Variants in PLXDC2 observed in about 807,000 individuals in gnomAD.
PLXDC2 encodes plexin domain containing 2, also known as plexin domain-containing protein 2.
Under a neutral mutation model 68.9 loss-of-function variants are expected in PLXDC2, and 40 were observed. The ratio of observed to expected loss-of-function variants is 0.58; its 90% CI spans 0.45 to 0.76. The LOEUF (loss-of-function observed/expected upper bound fraction) is 0.76. PLXDC2 is among the 30% of genes least tolerant of loss of function. The pLI, the probability that PLXDC2 is intolerant of heterozygous loss-of-function variation, is 0.00. For synonymous variants in PLXDC2, 243 were observed against 234.2 expected, an observed-to-expected ratio of 1.04 and a Z score of -0.34; for missense variants, 644 against 661.9, an observed-to-expected ratio of 0.97 and a Z score of 0.30.
At chr10:20,015,516 A>C (rs1354206307) in intron 2 of PLXDC2, among the ~76,000 whole-genome samples, 1 of 152,196 alleles carries the variant, frequency 6.6e-6, no homozygotes, top group East Asian at 1.9e-4. Flanking sequence ...GTCCTCTTCA[A>C]TTAGATGTTA....
At chr10:19,884,442 C>A (rs971964184) in intron 1 of PLXDC2, among the ~76,000 whole-genome samples, 1 of 151,830 alleles carries the variant, frequency 6.6e-6, no homozygotes, top group Admixed American at 6.6e-5. Context: ...CATGCTGGTG[C>A]GCTGCACCCA....
At chr10:20,110,474 G>T (rs1460680479) in intron 4 of PLXDC2, among the ~76,000 whole-genome samples, 2 of 152,146 alleles carry the variant, frequency 1.3e-5, no homozygotes. Flanking sequence ...TGCCTCAATG[G>T]TAGTATTTAT....
intron 1 of PLXDC2, among the ~76,000 whole-genome samples, chr10:19,847,820 A>G (rs11813851): frequency 0.04 from 6,138 of 152,242 alleles, 394 homozygotes; most frequent in African/African-American, 0.13. Context: ...TATTTTAAAG[A>G]TGGGTAACTG....
chr10:20,001,944 C>G lies in PLXDC2; in HGVS notation c.282C>G (p.Asp94Glu), dbSNP rs763045853. The change falls in exon 2 of 14, where the codon GAC becomes GAG. Residue 94 changes from aspartate (D) to glutamate (E), a missense_variant. Physicochemically the swap from Asp to Glu is conservative, Grantham distance 45. Transcript: ENST00000377252. The stretch of plus-strand genomic sequence containing the variant: ...CTCCTGAGCCCAGAAGCTTCACAGA[C>G]CTGCTGCTGGATGATGGGCAGGACA... ...QDSPEPRSFT[D>E]LLLDDGQDNN... 3.1e-6 allele frequency: 5 copies of G among 1,612,848 alleles called. No homozygotes were observed. Among genetic ancestry groups the G allele is most frequent in the Non-Finnish European group, 4.2e-6 (5 of 1,179,948 alleles).
chr10:19,935,188 A>T (rs183342975), intron 1 of PLXDC2, among the ~76,000 whole-genome samples: 102 of 152,298 alleles, frequency 6.7e-4, no homozygotes, highest in African/African-American at 2.3e-3. Flanking sequence ...GGAGGCTGAC[A>T]GTGGGGACCT....
At chr10:20,257,839 A>T (rs1347880812) in intron 13 of PLXDC2, among the ~76,000 whole-genome samples, 1 of 151,900 alleles carries the variant, frequency 6.6e-6, no homozygotes, top group Non-Finnish European at 1.5e-5. Flanking sequence ...TTATGGCTAC[A>T]TAGTAGGTGT....
chr10:20,073,583 A>C (rs1222158290), intron 4 of PLXDC2, among the ~76,000 whole-genome samples: 1 of 152,162 alleles, frequency 6.6e-6, no homozygotes, highest in African/African-American at 2.4e-5. Flanking sequence ...AATCATCCTT[A>C]TGTACAAAGT....
At chr10:19,890,675 GCTT>G (rs1837942303) in intron 1 of PLXDC2, among the ~76,000 whole-genome samples, 1 of 76,126 alleles carries the variant, frequency 1.3e-5, no homozygotes, top group East Asian at 4.5e-4. Context: ...GCGCCCGGCT[GCTT>G]TTTTTTTTTT....
At chr10:20,079,621 A>G (rs541513950) in intron 4 of PLXDC2, among the ~76,000 whole-genome samples, 1 of 152,332 alleles carries the variant, frequency 6.6e-6, no homozygotes, top group African/African-American at 2.4e-5. Context: ...GAGTGAGTTC[A>G]TGTACTTTGC....
At chr10:20,145,269 T>C (rs1302307353) in intron 5 of PLXDC2, among the ~76,000 whole-genome samples, 3 of 152,218 alleles carry the variant, frequency 2.0e-5, no homozygotes, top group Non-Finnish European at 4.4e-5. Flanking sequence ...GTTCAAACAA[T>C]ATGATAATGA....
chr10:19,973,596 A>G (rs1834398217), intron 1 of PLXDC2, among the ~76,000 whole-genome samples: 1 of 152,162 alleles, frequency 6.6e-6, no homozygotes, highest in Non-Finnish European at 1.5e-5. Flanking sequence ...CTACAGAATC[A>G]AAAGACATAC....
intron 3 of PLXDC2, among the ~76,000 whole-genome samples, chr10:20,057,777 C>A (rs559638832): frequency 2.6e-5 from 4 of 151,938 alleles, no homozygotes; most frequent in African/African-American, 9.7e-5. Flanking sequence ...GTCCTGATTC[C>A]ATGTGGGCTA....
At chr10:20,074,581 CT>C (rs1836402834) in intron 4 of PLXDC2, among the ~76,000 whole-genome samples, 1 of 152,014 alleles carries the variant, frequency 6.6e-6, no homozygotes, top group Non-Finnish European at 1.5e-5. Flanking sequence ...TCTTCATTAG[CT>C]TTTCAGGAAA....
intron 12 of PLXDC2, among the ~76,000 whole-genome samples, chr10:20,222,466 T>C (rs1326627890): frequency 6.6e-6 from 1 of 152,204 alleles, no homozygotes; most frequent in Non-Finnish European, 1.5e-5. Flanking sequence ...TCCTGATACA[T>C]TTATATTAGG....
At chr10:20,078,881 A>G (rs1441861364) in intron 4 of PLXDC2, among the ~76,000 whole-genome samples, 1 of 152,152 alleles carries the variant, frequency 6.6e-6, no homozygotes, top group Non-Finnish European at 1.5e-5. Flanking sequence ...ACAAGGTTTG[A>G]AATATATTAT....
chr10:20,246,618 G>T (rs369180375), intron 13 of PLXDC2, among the ~76,000 whole-genome samples: 1 of 152,300 alleles, frequency 6.6e-6, no homozygotes, highest in African/African-American at 2.4e-5. Context: ...CCAAAGTGCC[G>T]GGATTACAGG....
chr10:20,126,208 CAT>C (rs201046119), intron 4 of PLXDC2, among the ~76,000 whole-genome samples: 7,796 of 145,778 alleles, frequency 0.053, 359 homozygotes, highest in African/African-American at 0.13. Context: ...TATACACACA[CAT>C]ATATGTTATA....
chr10:19,895,038 C>T (rs1363609006), intron 1 of PLXDC2, among the ~76,000 whole-genome samples: 3 of 152,128 alleles, frequency 2.0e-5, no homozygotes, highest in Non-Finnish European at 2.9e-5. Context: ...AAATGCCCAT[C>T]AATGATAGAC....
intron 5 of PLXDC2, among the ~76,000 whole-genome samples, chr10:20,145,635 C>T (rs1156476332): frequency 2.6e-5 from 4 of 152,250 alleles, no homozygotes; most frequent in Non-Finnish European, 5.9e-5. Context: ...CTACAACCTC[C>T]GCTTCCCGGG....
Sources: allele counts gnomAD v4.1 joint callset (sites outside exome capture counted in the v4.1 genomes callset), GRCh38; gene constraint gnomAD v4.1.1; transcripts MANE v1.5; gene names NCBI Gene and HGNC (gene_info 2026-07-23, HGNC 2026-07-21).